POGLUT1: variants seen among roughly 807,000 people sequenced by gnomAD.
The protein encoded by POGLUT1 is protein O-glucosyltransferase 1, also known as 9630046K23Rik.
POGLUT1 carries 32 observed loss-of-function variants against 61.3 expected under a neutral mutation model. The ratio of observed to expected loss-of-function variants is 0.52; its 90% confidence interval spans 0.39 to 0.70. POGLUT1 has a LOEUF of 0.70. Ranked by LOEUF, POGLUT1 falls within the 30% of genes least tolerant of loss-of-function variation. The pLI is 0.00. For missense variants in POGLUT1, 411 were observed against 469.8 expected (o/e 0.87, Z 1.16); for synonymous variants, 158 against 158.2 (o/e 1.00, Z 0.01).
In POGLUT1 at chr3:119,493,622, C is replaced by G. The variant is rs1222837662; in HGVS notation, c.*1184C>G. The G allele has an allele frequency of 1.3e-5, 2 of 152,118 alleles. No individual in the cohort carries two copies. The highest frequency in any genetic ancestry group is 4.8e-5 in the African/African-American group (2 of 41,418). 9.4% of individuals were successfully genotyped at this position (152,118 alleles called of 1,614,324 possible). A position where few individuals can be genotyped will look rare whatever the true frequency, so the allele number is the denominator to read the frequency against. On this transcript the variant is annotated 3_prime_UTR_variant, in exon 11 of 11. Transcript: ENST00000295588. ...TCTTTTAAGAACTATTTGGTATTAA[C>G]TAGTTTCAGAATTAGTAAATGTGAG...
Position 119,480,134 on chromosome 3 carries a change from T to G in POGLUT1, c.540T>G (p.Gly180=). ...GPAVWPIYPT[G]LGRWDLFRED... is the part of the protein sequence containing the mutation. ...CTGTTTGGCCAATTTATCCTACAGG[T>G]CTTGGACGGTGGGACCTCTTCAGAG... Residue 180 remains glycine, a synonymous_variant, in exon 5 of 11, where the codon GGT becomes GGG. Coordinates refer to ENST00000295588, the MANE Select transcript of POGLUT1 (RefSeq NM_152305.3). 1 of 1,610,038 alleles carries G rather than the reference T, an allele frequency of 6.2e-7. No homozygotes were observed. The highest frequency in any genetic ancestry group is 8.5e-7 in the Non-Finnish European group (1 of 1,178,172).
At chr3:119,489,884 G>C (rs2081720763) in intron 8 of POGLUT1, 1 of 152,630 alleles carries the variant, frequency 6.6e-6, no homozygotes, top group South Asian at 2.1e-4. Context: ...AAGGTTGCGT[G>C]CTCCTTATGA....
chr3:119,473,499 T>C (rs1167645915), intron 3 of POGLUT1, among the ~76,000 whole-genome samples: 1 of 152,130 alleles, frequency 6.6e-6, no homozygotes, highest in African/African-American at 2.4e-5. Flanking sequence ...CACTGAAAGT[T>C]CCCTATCCTA....
In POGLUT1 at chr3:119,490,566, T is replaced by C. The variant is rs886120835; in HGVS notation, c.813T>C (p.Phe271=). ...DHCKYKYLFN[F]RGVAASFRFK... The stretch of plus-strand genomic sequence containing the variant: ...TTTTCCCCAGGTATCTGTTTAATTT[T>C]CGAGGCGTAGCTGCAAGTTTCCGGT... Residue 271 remains phenylalanine (F), a synonymous_variant, in exon 9 of 11, where the codon TTT becomes TTC. Transcript: ENST00000295588. The C allele has an allele frequency of 6.2e-7, 1 of 1,614,048 alleles. No individual in the cohort carries two copies. Among genetic ancestry groups the C allele is most frequent in the Non-Finnish European group, 8.5e-7 (1 of 1,180,002 alleles).
At chr3:119,481,235 A>T (rs2081602972) in intron 5 of POGLUT1, among the ~76,000 whole-genome samples, 1 of 152,184 alleles carries the variant, frequency 6.6e-6, no homozygotes, top group Non-Finnish European at 1.5e-5. Flanking sequence ...CTCAAGTACA[A>T]GCTTATTCCA....
intron 5 of POGLUT1, among the ~76,000 whole-genome samples, chr3:119,481,551 A>G (rs777930460): frequency 1.1e-4 from 16 of 152,244 alleles, no homozygotes; most frequent in Admixed American, 1.3e-4. Flanking sequence ...TCCTGAAGAA[A>G]CGTACAGGGC....
At chr3:119,470,647 G>T (rs999895231) in intron 2 of POGLUT1, among the ~76,000 whole-genome samples, 17 of 152,166 alleles carry the variant, frequency 1.1e-4, no homozygotes, top group African/African-American at 3.9e-4. Flanking sequence ...AACAGACTTG[G>T]GTGTTGGTGC....
chr3:119,469,780 G>A, intron 1 of POGLUT1, 40 bp from the exon 2 acceptor site: 1 of 1,105,634 alleles, frequency 9.0e-7, no homozygotes, highest in Non-Finnish European at 1.4e-6. Context: ...ATAACATTCA[G>A]GAAAATTTTT....
intron 4 of POGLUT1, among the ~76,000 whole-genome samples, chr3:119,479,603 C>T (rs1041833890): frequency 4.6e-5 from 7 of 152,174 alleles, no homozygotes; most frequent in African/African-American, 1.7e-4. Flanking sequence ...CAGGAGCCCA[C>T]ACTCTTAACC....
intron 2 of POGLUT1, 94 bp from the exon 3 acceptor site, chr3:119,471,214 GT>G (rs2081467684): frequency 1.9e-6 from 2 of 1,077,600 alleles, no homozygotes; most frequent in African/African-American, 3.2e-5. Context: ...CACTTACTGT[GT>G]TCTCTAATAC....
intron 3 of POGLUT1, chr3:119,471,699 T>C (rs1364849137): frequency 2.2e-6 from 1 of 461,906 alleles, no homozygotes; most frequent in African/African-American, 2.0e-5. Context: ...CCTCTTCTGC[T>C]CCTTCCCTGG....
At chr3:119,481,635 A>T (rs1043664909) in intron 5 of POGLUT1, among the ~76,000 whole-genome samples, 3 of 151,998 alleles carry the variant, frequency 2.0e-5, no homozygotes, top group Non-Finnish European at 4.4e-5. Context: ...TGGAAATTTT[A>T]AAAAATAATA....
rs940985700 is a variant in POGLUT1 at position 119,493,591 on chromosome 3, C to T, written c.*1153C>T. On this transcript the variant is annotated 3_prime_UTR_variant, in exon 11 of 11. Transcript: ENST00000295588. ...TTTCCACAGAGAAATCACCTCTCTT[C>T]CTTTGTCTTTTAAGAACTATTTGGT... 6.6e-6 allele frequency: 1 copy of T among 152,150 alleles called. No homozygotes were observed. The highest frequency in any genetic ancestry group is 1.5e-5 in the Non-Finnish European group (1 of 68,016). 9.4% of individuals were successfully genotyped at this position (152,150 alleles called of 1,614,324 possible). A position where few individuals can be genotyped will look rare whatever the true frequency, so the allele number is the denominator to read the frequency against.
At position 119,469,116 on chromosome 3, in the gene POGLUT1, G is replaced by C. The variant is rs1169677138; in HGVS notation, c.85+10G>C. Reference sequence around the variant, plus strand: ...CGCCAGAAGGAGTCAGGTGGGCTCCGGGCAGTGCCGAGCCTGCCCCTTGGG... The same window carrying C: ...CGCCAGAAGGAGTCAGGTGGGCTCCCGGCAGTGCCGAGCCTGCCCCTTGGG... On this transcript the variant is annotated intron_variant, in intron 1 of 10. Transcript: ENST00000295588. The C allele has an allele frequency of 6.3e-7, 1 of 1,591,462 alleles. No individual in the cohort carries two copies. The highest frequency in any genetic ancestry group is 1.1e-5 in the South Asian group (1 of 89,186).
intron 6 of POGLUT1, among the ~76,000 whole-genome samples, chr3:119,486,584 C>T (rs2081666506): frequency 6.6e-6 from 1 of 151,940 alleles, no homozygotes; most frequent in Non-Finnish European, 1.5e-5. Context: ...AACAACATAC[C>T]CTTCAAGACC....
intron 4 of POGLUT1, chr3:119,479,825 C>T (rs1196761142): frequency 1.9e-5 from 20 of 1,060,572 alleles, no homozygotes; most frequent in Non-Finnish European, 2.7e-5. Context: ...AAAAAGCTGA[C>T]CTTTAATGTG....
intron 7 of POGLUT1, among the ~76,000 whole-genome samples, chr3:119,487,692 C>CT (rs34508360): frequency 1.5e-4 from 22 of 150,900 alleles, no homozygotes; most frequent in African/African-American, 3.4e-4. Context: ...ATTCTTTTGC[C>CT]TTTTTTTTTA....
At chr3:119,474,382 A>G (rs2081511573) in intron 3 of POGLUT1, among the ~76,000 whole-genome samples, 2 of 152,144 alleles carry the variant, frequency 1.3e-5, no homozygotes, top group Admixed American at 1.3e-4. Flanking sequence ...CATCACAACC[A>G]AAACGTTCCT....
In POGLUT1 at chr3:119,471,472, A is replaced by G. The variant is rs543840546; in HGVS notation, c.320+20A>G. ...CTCAAGGTAAGAGTTAACGAGGTAG[A>G]TATATCTTCTGACTTTATTACATAT... On this transcript the variant is annotated intron_variant, in intron 3 of 10. Transcript: ENST00000295588. 6 of 1,611,370 alleles carry G rather than the reference A, an allele frequency of 3.7e-6. No individual in the cohort carries two copies. The East Asian group carries it at 1.3e-4, about 36-fold the overall frequency.
Sources: gnomAD v4.1 joint callset for allele counts (sites outside exome capture counted in the v4.1 genomes callset) on GRCh38, gnomAD v4.1.1 for gene constraint, MANE v1.5 for transcripts, NCBI Gene and HGNC (gene_info 2026-07-23, HGNC 2026-07-21) for gene names.